Variants in RERE observed in about 807,000 individuals in gnomAD.
The protein encoded by RERE is arginine-glutamic acid dipeptide repeats protein.
A neutral mutation model predicts 146.1 loss-of-function variants in RERE; 40 were observed. That is an observed-to-expected ratio of 0.27 (90% CI 0.21 to 0.36). The LOEUF is 0.36. Ranked by LOEUF, RERE falls within the 10% of genes least tolerant of loss-of-function variation. The pLI, the probability that RERE is intolerant of heterozygous loss-of-function variation, is 1.00. For synonymous variants in RERE, 1,003 were observed against 866.0 expected (o/e 1.16, Z -2.78); for missense variants, 1,933 against 2,138.7 (o/e 0.90, Z 1.90).
intron 1 of RERE, among the ~76,000 whole-genome samples, chr1:8,715,019 G>A (rs1277572585): frequency 7.9e-5 from 12 of 151,652 alleles, no homozygotes; most frequent in Non-Finnish European, 1.3e-4. Context: ...GACTACAGGC[G>A]TGCGCTACCA....
intron 2 of RERE, among the ~76,000 whole-genome samples, chr1:8,625,641 T>C (rs1646965638): frequency 2.0e-5 from 3 of 152,180 alleles, no homozygotes. Context: ...CTCTGGACCC[T>C]TCAGAATGAG....
intron 7 of RERE, among the ~76,000 whole-genome samples, chr1:8,515,631 AAAAC>A (rs764777484): frequency 1.8e-4 from 28 of 151,980 alleles, no homozygotes; most frequent in Non-Finnish European, 3.5e-4. Context: ...ACTGTCTCAA[AAAAC>A]AAACAAACAA....
chr1:8,594,441 T>A (rs896788539), intron 4 of RERE, among the ~76,000 whole-genome samples: 1 of 152,138 alleles, frequency 6.6e-6, no homozygotes, highest in Non-Finnish European at 1.5e-5. Context: ...TAATATAAAA[T>A]CAGATTTAAT....
rs146229356 is a variant in RERE at position 8,677,597 on chromosome 1, A to G, written c.-144-21156T>C. On this transcript the variant is annotated intron_variant, in intron 1 of 22. Coordinates refer to ENST00000400908, the MANE Select transcript of RERE (RefSeq NM_001042681.2). The stretch of plus-strand genomic sequence containing the variant: ...TAAAAACCTTATTATTCACTAATTC[A>G]TATGTTTCATGTACCATCTCCCCTC... Among the ~76,000 whole-genome samples the G allele has an allele frequency of 1.0e-3, 155 of 152,280 alleles. 2 individuals are homozygous for G. The highest frequency in any genetic ancestry group is 3.6e-3 in the African/African-American group (148 of 41,558).
intron 1 of RERE, among the ~76,000 whole-genome samples, chr1:8,696,062 T>C (rs913074339): frequency 6.6e-6 from 1 of 152,048 alleles, no homozygotes; most frequent in Non-Finnish European, 1.5e-5. Context: ...TGGCTATTAT[T>C]AAAAAGCCAA....
At chr1:8,466,090 G>A in intron 10 of RERE, 67 bp from the exon 11 acceptor site, 2 of 1,298,948 alleles carry the variant, frequency 1.5e-6, no homozygotes, top group African/African-American at 1.5e-5. Context: ...TCGATCCAAG[G>A]CAAGCTCCTC....
At chr1:8,407,828 C>G (rs1044207359) in intron 12 of RERE, among the ~76,000 whole-genome samples, 1 of 152,178 alleles carries the variant, frequency 6.6e-6, no homozygotes. Flanking sequence ...CAGAGAACCA[C>G]AGGGAGGATC....
intron 10 of RERE, among the ~76,000 whole-genome samples, chr1:8,468,286 A>T (rs1228734763): frequency 3.9e-5 from 6 of 152,212 alleles, no homozygotes; most frequent in African/African-American, 1.4e-4. Flanking sequence ...AAAACTATCC[A>T]ACCTAGGCTT....
chr1:8,389,333 C>T (rs993036859), intron 12 of RERE, among the ~76,000 whole-genome samples: 7 of 152,262 alleles, frequency 4.6e-5, no homozygotes, highest in South Asian at 2.1e-4. Context: ...AATACATACA[C>T]GGGAGGTACT....
At chr1:8,671,611 A>G (rs1338937883) in intron 1 of RERE, among the ~76,000 whole-genome samples, 1 of 152,262 alleles carries the variant, frequency 6.6e-6, no homozygotes, top group East Asian at 1.9e-4. Context: ...TTGTAAATTA[A>G]TTCTAAAAAG....
At chr1:8,515,210 TA>T (rs1645397771) in intron 7 of RERE, among the ~76,000 whole-genome samples, 1 of 151,876 alleles carries the variant, frequency 6.6e-6, no homozygotes, top group East Asian at 1.9e-4. Flanking sequence ...AATGTTTTTT[TA>T]ATTAGCTGGT....
chr1:8,706,748 C>T (rs1254174165), intron 1 of RERE, among the ~76,000 whole-genome samples: 1 of 152,072 alleles, frequency 6.6e-6, no homozygotes, highest in Non-Finnish European at 1.5e-5. Context: ...TGGAAGCCTT[C>T]GAAAGAGCTC....
Position 8,360,621 on chromosome 1 carries a change from G to A in RERE, c.2886C>T (p.Asn962=), listed in dbSNP as rs1570035344. 6.6e-7 allele frequency: 1 copy of A among 1,514,554 alleles called. No homozygotes were observed. Among genetic ancestry groups the A allele is most frequent in the Non-Finnish European group, 8.8e-7 (1 of 1,133,532 alleles). The allele number at this position is 1,514,554 out of a possible 1,614,324, so 93.8% of individuals were successfully genotyped here. Residue 962 remains asparagine (N), a synonymous_variant, in exon 18 of 23, where the codon AAC becomes AAT. Coordinates refer to ENST00000400908, the MANE Select transcript of RERE (RefSeq NM_001042681.2). ...SGPSPFSMNA[N]LPPPPALKPL... ...GCTTCAGGGCTGGAGGGGGAGGCAG[G>A]TTGGCATTCATGGAGAAGGGTGAGG...
intron 12 of RERE, among the ~76,000 whole-genome samples, chr1:8,401,038 C>CATATATATAT (rs59752248): frequency 0.013 from 719 of 57,350 alleles, 15 homozygotes; most frequent in Non-Finnish European, 0.018. Flanking sequence ...AAAAAAAAAC[C>CATATATATAT]ATATATATAT....
At chr1:8,668,465 G>A (rs555161287) in intron 1 of RERE, among the ~76,000 whole-genome samples, 47 of 152,272 alleles carry the variant, frequency 3.1e-4, no homozygotes, top group African/African-American at 9.9e-4. Context: ...GCCAAATGCC[G>A]ATGAAACCAA....
intron 19 of RERE, 120 bp downstream of exon 19, chr1:8,359,644 C>A: frequency 8.9e-7 from 1 of 1,124,992 alleles, no homozygotes; most frequent in Non-Finnish European, 1.3e-6. Context: ...TAGCACCCAA[C>A]CCTCTAGCTG....
intron 12 of RERE, among the ~76,000 whole-genome samples, chr1:8,399,738 G>A (rs998766452): frequency 4.0e-5 from 6 of 151,540 alleles, no homozygotes; most frequent in African/African-American, 1.5e-4. Flanking sequence ...CATTAACATC[G>A]GCGCATCATC....
chr1:8,702,845 T>A (rs1639482345), intron 1 of RERE, among the ~76,000 whole-genome samples: 1 of 152,194 alleles, frequency 6.6e-6, no homozygotes, highest in South Asian at 2.1e-4. Context: ...TAAAAACTAG[T>A]GAGCCCAACA....
intron 4 of RERE, among the ~76,000 whole-genome samples, chr1:8,610,387 G>A (rs1184798394): frequency 5.3e-5 from 8 of 151,456 alleles, no homozygotes; most frequent in African/African-American, 4.9e-5. Flanking sequence ...TCAGCAGTTC[G>A]AGACCAGCCT....
Sources: allele counts gnomAD v4.1 joint callset (sites outside exome capture counted in the v4.1 genomes callset), GRCh38; gene constraint gnomAD v4.1.1; transcripts MANE v1.5; gene names NCBI Gene and HGNC (gene_info 2026-07-23, HGNC 2026-07-21).